Variants in RMND1 observed in about 807,000 individuals in gnomAD.
RMND1 encodes required for meiotic nuclear division protein 1 homolog.
RMND1 carries 41 observed loss-of-function variants against 54.0 expected under a neutral mutation model. The observed-to-expected ratio is 0.76, with a 90% confidence interval of 0.59 to 0.98. The LOEUF is 0.98. Among genes scored for constraint, RMND1 ranks in the 50% least tolerant of loss-of-function variants. The pLI, the probability that RMND1 is intolerant of heterozygous loss-of-function variation, is 0.00. For synonymous variants in RMND1, 183 were observed against 181.7 expected (o/e 1.01, Z -0.06); for missense variants, 457 against 532.0 (o/e 0.86, Z 1.39).
intron 2 of RMND1, among the ~76,000 whole-genome samples, chr6:151,439,930 G>A (rs1160314959): frequency 6.6e-5 from 10 of 151,934 alleles, no homozygotes; most frequent in East Asian, 5.9e-4. Context: ...ACAGTGCTGG[G>A]ATTACAGGCA....
At chr6:151,429,211 T>C (rs1294320252) in intron 5 of RMND1, among the ~76,000 whole-genome samples, 1 of 151,842 alleles carries the variant, frequency 6.6e-6, no homozygotes, top group East Asian at 1.9e-4. Flanking sequence ...AACCTCTGCC[T>C]CCAAGGTTTA....
chr6:151,432,675 A>G (rs1450924062), intron 4 of RMND1, among the ~76,000 whole-genome samples: 3 of 152,166 alleles, frequency 2.0e-5, no homozygotes, highest in Non-Finnish European at 4.4e-5. Context: ...GTCGGCCTTT[A>G]GATAAAAGGA....
chr6:151,427,597 A>G lies in RMND1; in HGVS notation c.730-15T>C. Reference sequence around the variant, plus strand: ...ACATGCTTCATCTAGAAGAAAAGGAAGATTAATCTGAAATCATAACTGACT... The same window carrying G: ...ACATGCTTCATCTAGAAGAAAAGGAGGATTAATCTGAAATCATAACTGACT... On this transcript the variant is annotated splice_polypyrimidine_tract_variant and intron_variant, in intron 5 of 11. Coordinates refer to ENST00000444024, the MANE Select transcript of RMND1 (RefSeq NM_017909.4). 1 of 1,529,346 alleles carries G rather than the reference A, an allele frequency of 6.5e-7. No individual in the cohort carries two copies. Among genetic ancestry groups the G allele is most frequent in the African/African-American group, 1.4e-5 (1 of 73,230 alleles). 94.7% of individuals were successfully genotyped at this position (1,529,346 alleles called of 1,614,324 possible). A position where few individuals can be genotyped will look rare whatever the true frequency, so the allele number is the denominator to read the frequency against.
At chr6:151,416,420 CTTT>C (rs10557273) in intron 10 of RMND1, among the ~76,000 whole-genome samples, 103 of 93,700 alleles carry the variant, frequency 1.1e-3, no homozygotes, top group African/African-American at 3.1e-3. Context: ...ATCACTACAG[CTTT>C]TTTTTTTTTT....
At chr6:151,423,118 G>A in intron 7 of RMND1, among the ~76,000 whole-genome samples, 1 of 152,154 alleles carries the variant, frequency 6.6e-6, no homozygotes, top group East Asian at 1.9e-4. Flanking sequence ...CAAACTTATA[G>A]CCACTGTGAC....
intron 9 of RMND1, 46 bp from the exon 10 acceptor site, chr6:151,417,445 A>G (rs1457280212): frequency 1.4e-6 from 2 of 1,451,416 alleles, no homozygotes; most frequent in African/African-American, 1.5e-5. Flanking sequence ...TGAATTAAAA[A>G]TCATTGTTTC....
intron 1 of RMND1, among the ~76,000 whole-genome samples, chr6:151,449,706 C>G (rs953109313): frequency 3.9e-5 from 6 of 152,212 alleles, no homozygotes; most frequent in African/African-American, 7.2e-5. Context: ...CGAGCCGAAG[C>G]TGGACTGTAC....
chr6:151,417,398 G>A lies in RMND1; in HGVS notation c.1081C>T (p.His361Tyr), dbSNP rs1780037099. The A allele has an allele frequency of 6.3e-7, 1 of 1,575,164 alleles. No homozygotes were observed. Among genetic ancestry groups the A allele is most frequent in the Non-Finnish European group, 8.6e-7 (1 of 1,163,614 alleles). Residue 361 changes from histidine (H) to tyrosine (Y), a missense_variant and splice_region_variant, in exon 10 of 12, where the codon CAC (histidine) becomes TAC (tyrosine). His to Tyr is a moderately conservative substitution (Grantham distance 83). Transcript: ENST00000444024. ...AAGTCTGAACTCAAGTTTATACGGT[G>A]CCTTTAAAAAGGAAAATTATAACTT... ...QKIGELFALR[H>Y]RINLSSDFLI... is the part of the protein sequence containing the mutation.
chr6:151,450,601 C>A (rs1781137680), intron 1 of RMND1, among the ~76,000 whole-genome samples: 1 of 149,146 alleles, frequency 6.7e-6, no homozygotes, highest in Admixed American at 6.6e-5. Flanking sequence ...CCCCGCCCGG[C>A]CAGCCGCCCC....
At chr6:151,431,859 T>C (rs559297931) in intron 4 of RMND1, among the ~76,000 whole-genome samples, 1 of 152,200 alleles carries the variant, frequency 6.6e-6, no homozygotes, top group East Asian at 1.9e-4. Context: ...ATTAATTTTA[T>C]CTTTTTAAAA....
chr6:151,415,792 CA>C (rs3029408), intron 10 of RMND1, among the ~76,000 whole-genome samples: 657 of 93,732 alleles, frequency 7.0e-3, no homozygotes, highest in African/African-American at 0.016. Flanking sequence ...GACTCCGTCT[CA>C]AAAAAAAAAA....
At chr6:151,408,479 G>A (rs1779706358) in intron 10 of RMND1, among the ~76,000 whole-genome samples, 2 of 152,124 alleles carry the variant, frequency 1.3e-5, no homozygotes, top group South Asian at 2.1e-4. Context: ...AAAAAAAGAA[G>A]TTAGTACCAG....
rs955266996 is a variant in RMND1 at position 151,442,147 on chromosome 6, C to A, written c.504+3161G>T. On this transcript the variant is annotated intron_variant, in intron 2 of 11. Transcript: ENST00000444024. Reference sequence around the variant, plus strand: ...AGGAAAAATGCCTTTTCTCCTGTAACATACTGATTGGAGATTAAAGCTATA... The same window carrying A: ...AGGAAAAATGCCTTTTCTCCTGTAAAATACTGATTGGAGATTAAAGCTATA... Among the ~76,000 whole-genome samples the A allele has an allele frequency of 5.9e-5, 9 of 152,294 alleles. No individual in the cohort carries two copies. In the Middle Eastern group the frequency reaches 0.01, roughly 173 times the overall value.
chr6:151,413,861 C>G (rs1323662622), intron 10 of RMND1: 1 of 152,152 alleles, frequency 6.6e-6, no homozygotes, highest in Non-Finnish European at 1.5e-5. Flanking sequence ...GCTTGGTTTT[C>G]TTGCCGAGTG....
chr6:151,451,797 A>T (rs1193357211), intron 1 of RMND1, among the ~76,000 whole-genome samples: 1 of 152,074 alleles, frequency 6.6e-6, no homozygotes, highest in Non-Finnish European at 1.5e-5. Context: ...TATTTTATCG[A>T]TTTCTACAGT....
chr6:151,424,458 G>A (rs1780239542), intron 6 of RMND1, among the ~76,000 whole-genome samples: 1 of 140,124 alleles, frequency 7.1e-6, no homozygotes, highest in African/African-American at 2.7e-5. Context: ...GCAAGACTCT[G>A]TCTCCAAAAA....
chr6:151,429,452 A>G (rs1450397925), intron 5 of RMND1, among the ~76,000 whole-genome samples: 1 of 152,116 alleles, frequency 6.6e-6, no homozygotes, highest in Non-Finnish European at 1.5e-5. Flanking sequence ...TAACTGTATT[A>G]TATATATAGG....
At chr6:151,446,341 G>A (rs1780952728) in intron 1 of RMND1, among the ~76,000 whole-genome samples, 1 of 151,874 alleles carries the variant, frequency 6.6e-6, no homozygotes, top group Non-Finnish European at 1.5e-5. Flanking sequence ...GCTGAGGTGG[G>A]AGGATCACTT....
At position 151,404,973 on chromosome 6, in the gene RMND1, A is replaced by T. The variant is rs1346724661; in HGVS notation, c.*262T>A. ...AACCTCCGCCTCCCAAGTTCAAGAG[A>T]TTCTCCTGCCTCAGCCTCCTGAGTA... On this transcript the variant is annotated 3_prime_UTR_variant, in exon 12 of 12. Coordinates refer to ENST00000444024, the MANE Select transcript of RMND1 (RefSeq NM_017909.4). 1 of 365,496 alleles carries T rather than the reference A, an allele frequency of 2.7e-6. No individual in the cohort carries two copies. Among genetic ancestry groups the T allele is most frequent in the East Asian group, 6.4e-5 (1 of 15,634 alleles). The allele number at this position is 365,496 out of a possible 1,614,324, so 22.6% of individuals were successfully genotyped here.
Sources: gnomAD v4.1 joint callset for allele counts (sites outside exome capture counted in the v4.1 genomes callset) on GRCh38, gnomAD v4.1.1 for gene constraint, MANE v1.5 for transcripts, NCBI Gene and HGNC (gene_info 2026-07-23, HGNC 2026-07-21) for gene names.